The following DDX24 variants were observed in gnomAD, a reference collection of about 807,000 sequenced individuals.
DDX24 encodes the protein ATP-dependent RNA helicase DDX24.
In DDX24, 24 loss-of-function variants were observed where a neutral mutation model predicts 68.9. The observed-to-expected ratio is 0.35, with a 90% CI of 0.25 to 0.49. DDX24 has a LOEUF of 0.49. DDX24 is among the 20% of genes least tolerant of loss of function. The probability of loss-of-function intolerance (pLI) is 0.99; values close to 1 mark genes in which losing one functional copy is unlikely to be tolerated. For synonymous variants in DDX24, 395 were observed against 385.2 expected, an observed-to-expected ratio of 1.03 and a Z score of -0.30; for missense variants, 989 against 1,039.0, an observed-to-expected ratio of 0.95 and a Z score of 0.66.
intron 2 of DDX24, among the ~76,000 whole-genome samples, chr14:94,072,973 GA>G (rs1008702299): frequency 1.5e-5 from 2 of 131,656 alleles, no homozygotes; most frequent in African/African-American, 5.3e-5. Context: ...ACAGAAATGT[GA>G]AAAAAATAAA....
rs370682465 is a variant in DDX24 at position 94,051,288 on chromosome 14, G to A, written c.2483C>T (p.Ser828Phe). 1.9e-6 allele frequency: 3 copies of A among 1,612,596 alleles called. No homozygotes were observed. In the African/African-American group the frequency reaches 4.0e-5, roughly 22 times the overall value. ...CTGCTTGGAGAGACAGCTCAAAGCA[G>A]ACTCGCTCTTACTTGGGGCAGACAC... ...LLVSAPSKSE[S>F]ALSCLSKQKK... Residue 828 changes from serine to phenylalanine, a missense_variant, in exon 9 of 9, where the codon TCT becomes TTT. Physicochemically the swap from Ser to Phe is radical, Grantham distance 155. Coordinates refer to ENST00000621632, the MANE Select transcript of DDX24 (RefSeq NM_020414.4).
chr14:94,074,628 A>C (rs570062672), intron 2 of DDX24, among the ~76,000 whole-genome samples: 9 of 152,374 alleles, frequency 5.9e-5, no homozygotes, highest in African/African-American at 1.9e-4. Flanking sequence ...ATGGTGAAAG[A>C]CTAAATGTTT....
At chr14:94,068,594 A>G (rs1194452007) in intron 2 of DDX24, among the ~76,000 whole-genome samples, 1 of 152,356 alleles carries the variant, frequency 6.6e-6, no homozygotes, top group African/African-American at 2.4e-5. Context: ...TTTCTCCAAG[A>G]TAGACCATAT....
intron 2 of DDX24, among the ~76,000 whole-genome samples, chr14:94,078,024 G>A (rs1885980480): frequency 6.7e-6 from 1 of 149,958 alleles, no homozygotes; most frequent in Non-Finnish European, 1.5e-5. Context: ...AATATTCGGG[G>A]GGGTAAAAAA....
rs1885377422 is a variant in DDX24, at chr14:94,051,072, GAA to G, written c.*117_*118del. On this transcript the variant is annotated 3_prime_UTR_variant, in exon 9 of 9. Coordinates refer to ENST00000621632, the MANE Select transcript of DDX24 (RefSeq NM_020414.4). ...GTCTCTCCCGCTATGGGTGTGAGTG[GAA>G]GAGAGGGAGACTTTTTTACCTGGGG... is the stretch of plus-strand genomic sequence containing the variant. 3.3e-5 allele frequency: 42 copies of G among 1,256,020 alleles called. No individual in the cohort carries two copies. The South Asian group carries it at 6.5e-4, about 19-fold the overall frequency. 77.8% of individuals were successfully genotyped at this position (1,256,020 alleles called of 1,614,324 possible). A position where few individuals can be genotyped will look rare whatever the true frequency, so the allele number is the denominator to read the frequency against.
rs531961797 is a variant in DDX24, at chr14:94,071,323, A to T, written c.718+7702T>A. On this transcript the variant is annotated intron_variant, in intron 2 of 8. Coordinates refer to ENST00000621632, the MANE Select transcript of DDX24 (RefSeq NM_020414.4). ...CAATGTGATACCACCTTACTCCTGC[A>T]AGAATGGCCATAATCAAAAAATCAA... is the stretch of plus-strand genomic sequence containing the variant. Among the ~76,000 whole-genome samples the T allele has an allele frequency of 2.0e-5, 3 of 152,320 alleles. No homozygotes were observed. The South Asian group carries it at 6.2e-4, about 32-fold the overall frequency.
At chr14:94,074,298 A>G (rs951999204) in intron 2 of DDX24, among the ~76,000 whole-genome samples, 1 of 152,206 alleles carries the variant, frequency 6.6e-6, no homozygotes, top group Non-Finnish European at 1.5e-5. Context: ...CAACTATCCC[A>G]TGAACATAAG....
At chr14:94,073,090 T>C (rs912981696) in intron 2 of DDX24, among the ~76,000 whole-genome samples, 7 of 148,246 alleles carry the variant, frequency 4.7e-5, no homozygotes, top group Admixed American at 1.3e-4. Context: ...TCTTTTCTTT[T>C]TTTTTTTTTT....
At chr14:94,065,120 G>A (rs1340902354) in intron 2 of DDX24, among the ~76,000 whole-genome samples, 2 of 151,180 alleles carry the variant, frequency 1.3e-5, no homozygotes, top group Admixed American at 1.3e-4. Flanking sequence ...TACAATCTCA[G>A]CTCACTGCAA....
chr14:94,055,966 A>C (rs969441869), intron 6 of DDX24: 1 of 152,186 alleles, frequency 6.6e-6, no homozygotes, highest in African/African-American at 2.4e-5. Context: ...CCAACCTCCC[A>C]AACTAGAAGT....
rs58390384 is a variant in DDX24, at chr14:94,065,384, G to GACACACACACACAC, written c.719-2777_719-2764dup. On this transcript the variant is annotated intron_variant, in intron 2 of 8. Transcript: ENST00000621632. ...AGATCTTAATAGTATCTCTCTCTCT[G>GACACACACACACAC]ACACACACACACACACACACAAATT... Among the ~76,000 whole-genome samples the GACACACACACACAC allele has an allele frequency of 2.7e-3, 395 of 147,264 alleles. 6 individuals are homozygous for GACACACACACACAC. In the Middle Eastern group the frequency reaches 0.028, roughly 10 times the overall value.
intron 1 of DDX24, among the ~76,000 whole-genome samples, chr14:94,080,309 G>A (rs141212283): frequency 7.9e-5 from 12 of 152,156 alleles, no homozygotes; most frequent in African/African-American, 2.9e-4. Flanking sequence ...CCTTTGCCAA[G>A]CGTCTTAAAA....
rs1885320308 is a variant in DDX24 at position 94,048,358 on chromosome 14, T to A, written c.*2833A>T. 6.6e-6 allele frequency: 1 copy of A among 152,334 alleles called. No homozygotes were observed. 9.4% of individuals were successfully genotyped at this position (152,334 alleles called of 1,614,324 possible). A position where few individuals can be genotyped will look rare whatever the true frequency, so the allele number is the denominator to read the frequency against. ...AAACTTTTAAATCAATGGGAACAATTAGCAACAGAAAGAGCACAGTCCCTG... is the reference window on the plus strand; with the variant it reads ...AAACTTTTAAATCAATGGGAACAATAAGCAACAGAAAGAGCACAGTCCCTG... On this transcript the variant is annotated 3_prime_UTR_variant, in exon 9 of 9. Transcript: ENST00000621632.
intron 5 of DDX24, among the ~76,000 whole-genome samples, chr14:94,058,921 T>C (rs1348863178): frequency 1.3e-5 from 2 of 152,206 alleles, no homozygotes; most frequent in African/African-American, 4.8e-5. Context: ...TCTTGCTGTG[T>C]TCCAGTAAAA....
chr14:94,075,847 C>T (rs1477364236), intron 2 of DDX24, among the ~76,000 whole-genome samples: 1 of 152,118 alleles, frequency 6.6e-6, no homozygotes, highest in Non-Finnish European at 1.5e-5. Context: ...GCAAAATAAT[C>T]AAACAGACAA....
intron 1 of DDX24, 65 bp downstream of exon 1, chr14:94,081,054 A>T (rs1334624506): frequency 6.6e-6 from 1 of 152,154 alleles, no homozygotes; most frequent in Admixed American, 6.5e-5. Flanking sequence ...CGCGATAGGA[A>T]CCCGGGTTCC....
At chr14:94,054,155 G>A (rs1885447711) in intron 7 of DDX24, among the ~76,000 whole-genome samples, 1 of 152,204 alleles carries the variant, frequency 6.6e-6, no homozygotes, top group Non-Finnish European at 1.5e-5. Flanking sequence ...GGGTTACAGT[G>A]CAGTGGCAAA....
At chr14:94,074,025 A>T (rs937419451) in intron 2 of DDX24, among the ~76,000 whole-genome samples, 1 of 151,124 alleles carries the variant, frequency 6.6e-6, no homozygotes, top group Non-Finnish European at 1.5e-5. Context: ...CCTGGGCAAC[A>T]GACCGAGACT....
rs1885355087 is a variant in DDX24 at position 94,049,859 on chromosome 14, C to T, written c.*1332G>A. 6.6e-6 allele frequency: 1 copy of T among 151,754 alleles called. No homozygotes were observed. Among genetic ancestry groups the T allele is most frequent in the South Asian group, 2.1e-4 (1 of 4,810 alleles). 9.4% of individuals were successfully genotyped at this position (151,754 alleles called of 1,614,324 possible). A position where few individuals can be genotyped will look rare whatever the true frequency, so the allele number is the denominator to read the frequency against. On this transcript the variant is annotated 3_prime_UTR_variant, in exon 9 of 9. Coordinates refer to ENST00000621632, the MANE Select transcript of DDX24 (RefSeq NM_020414.4). ...GCAGTGAGCTGTGATTGTGCCATTG[C>T]ACTCCAACCTGGGCAATGGAGCAAG...
Sources: gnomAD v4.1 joint callset for allele counts (sites outside exome capture counted in the v4.1 genomes callset) on GRCh38, gnomAD v4.1.1 for gene constraint, MANE v1.5 for transcripts, NCBI Gene and HGNC (gene_info 2026-07-23, HGNC 2026-07-21) for gene names.